Variants in CTNNA3 observed in about 807,000 individuals in gnomAD.
CTNNA3 encodes the protein catenin alpha 3, also known as catenin alpha-3.
CTNNA3 carries 76 observed loss-of-function variants against 95.7 expected under a neutral mutation model. The ratio of observed to expected loss-of-function variants is 0.79; its 90% CI spans 0.66 to 0.96. The LOEUF (loss-of-function observed/expected upper bound fraction) is 0.96. Among genes scored for constraint, CTNNA3 ranks in the 40% least tolerant of loss-of-function variants. The probability of loss-of-function intolerance (pLI) is 0.00; values close to 1 mark genes in which losing one functional copy is unlikely to be tolerated. For missense variants in CTNNA3, 1,191 were observed against 1,089.8 expected (o/e 1.09, Z -1.31); for synonymous variants, 431 against 374.4 (o/e 1.15, Z -1.74).
intron 13 of CTNNA3, among the ~76,000 whole-genome samples, chr10:66,196,454 G>A (rs1340150706): frequency 2.0e-5 from 3 of 152,182 alleles, no homozygotes; most frequent in African/African-American, 7.2e-5. Context: ...AGGACATCAC[G>A]TCTTTAGGGA....
chr10:66,009,705 C>T (rs1455905258), intron 15 of CTNNA3, among the ~76,000 whole-genome samples: 1 of 152,084 alleles, frequency 6.6e-6, no homozygotes, highest in Non-Finnish European at 1.5e-5. Context: ...TTACCCATAC[C>T]TCTTTTGAGA....
chr10:67,326,835 T>A (rs1421758599), intron 5 of CTNNA3, among the ~76,000 whole-genome samples: 1 of 152,214 alleles, frequency 6.6e-6, no homozygotes, highest in African/African-American at 2.4e-5. Flanking sequence ...TGGTTCCATT[T>A]TCCCCATCTC....
At chr10:66,734,116 T>G (rs1392750099) in intron 9 of CTNNA3, among the ~76,000 whole-genome samples, 2 of 151,518 alleles carry the variant, frequency 1.3e-5, no homozygotes, top group Non-Finnish European at 2.9e-5. Flanking sequence ...TCCATGGTAT[T>G]TGTCTCAAAG....
intron 12 of CTNNA3, among the ~76,000 whole-genome samples, chr10:66,289,786 C>A (rs2091648929): frequency 6.6e-6 from 1 of 151,930 alleles, no homozygotes; most frequent in African/African-American, 2.4e-5. Context: ...TATAACCATG[C>A]TAAGCATGTT....
chr10:66,923,064 T>C (rs1846871750), intron 7 of CTNNA3, among the ~76,000 whole-genome samples: 1 of 152,232 alleles, frequency 6.6e-6, no homozygotes, highest in Non-Finnish European at 1.5e-5. Context: ...CTCACTCTAA[T>C]ATTTTATACC....
At chr10:67,676,162 A>C (rs1564823958) in intron 1 of CTNNA3, among the ~76,000 whole-genome samples, 1 of 152,128 alleles carries the variant, frequency 6.6e-6, no homozygotes, top group African/African-American at 2.4e-5. Flanking sequence ...TATTAATGAT[A>C]CAGGCTGGCA....
At chr10:66,192,173 A>C (rs940966505) in intron 13 of CTNNA3, among the ~76,000 whole-genome samples, 3 of 152,172 alleles carry the variant, frequency 2.0e-5, no homozygotes, top group African/African-American at 7.2e-5. Context: ...TAAAAACCCC[A>C]GAGTGGTAAA....
intron 7 of CTNNA3, among the ~76,000 whole-genome samples, chr10:66,931,691 AT>A (rs113875634): frequency 0.027 from 4,108 of 152,282 alleles, 169 homozygotes; most frequent in African/African-American, 0.093. Context: ...TCCTTGGGAA[AT>A]ATAATTATAA....
At chr10:67,052,047 G>T (rs1046389593) in intron 7 of CTNNA3, among the ~76,000 whole-genome samples, 9 of 152,080 alleles carry the variant, frequency 5.9e-5, no homozygotes, top group Non-Finnish European at 1.0e-4. Flanking sequence ...GAGCCACCAC[G>T]CCTGGCCTAA....
At chr10:67,372,905 A>G (rs532074586) in intron 5 of CTNNA3, among the ~76,000 whole-genome samples, 31 of 152,278 alleles carry the variant, frequency 2.0e-4, no homozygotes, top group Middle Eastern at 6.8e-3. Flanking sequence ...GAAATAAAAT[A>G]CTTTATAGAC....
intron 7 of CTNNA3, among the ~76,000 whole-genome samples, chr10:67,031,806 A>G (rs1853746670): frequency 6.6e-6 from 1 of 152,210 alleles, no homozygotes. Context: ...ATGTCACAAG[A>G]TCATAAAATC....
intron 15 of CTNNA3, among the ~76,000 whole-genome samples, chr10:66,002,958 T>C (rs974315152): frequency 1.1e-4 from 17 of 152,194 alleles, no homozygotes; most frequent in African/African-American, 3.6e-4. Context: ...TATTTTATTT[T>C]CATTTCAGCA....
intron 11 of CTNNA3, among the ~76,000 whole-genome samples, chr10:66,516,760 G>C (rs560550717): frequency 2.2e-4 from 34 of 152,282 alleles, no homozygotes; most frequent in African/African-American, 7.5e-4. Flanking sequence ...TGACAAGTAA[G>C]AGAAACTGAT....
chr10:66,122,311 GA>G (rs954456567), intron 13 of CTNNA3, among the ~76,000 whole-genome samples: 2 of 151,832 alleles, frequency 1.3e-5, no homozygotes, highest in Admixed American at 6.6e-5. Context: ...AATGTGAAGA[GA>G]AAAAAAATTA....
chr10:67,044,269 GC>G (rs1854590539), intron 7 of CTNNA3, among the ~76,000 whole-genome samples: 1 of 152,100 alleles, frequency 6.6e-6, no homozygotes, highest in Non-Finnish European at 1.5e-5. Context: ...ATTGATTATA[GC>G]CTAATCCAAA....
At chr10:66,955,774 T>A (rs531649101) in intron 7 of CTNNA3, among the ~76,000 whole-genome samples, 1 of 152,290 alleles carries the variant, frequency 6.6e-6, no homozygotes, top group South Asian at 2.1e-4. Context: ...AGTTTCTTCA[T>A]TGATGGTATA....
At chr10:66,975,424 C>T (rs2132848863) in intron 7 of CTNNA3, among the ~76,000 whole-genome samples, 1 of 152,320 alleles carries the variant, frequency 6.6e-6, no homozygotes, top group East Asian at 1.9e-4. Context: ...TTCAGATTGG[C>T]TTCTGAATCA....
intron 13 of CTNNA3, among the ~76,000 whole-genome samples, chr10:66,201,073 T>A (rs1359541545): frequency 6.6e-6 from 1 of 152,154 alleles, no homozygotes; most frequent in Non-Finnish European, 1.5e-5. Context: ...TTTCTCCATC[T>A]CCAAAATCTA....
At chr10:65,970,498 A>G (rs773601663) in intron 16 of CTNNA3, among the ~76,000 whole-genome samples, 16 of 151,974 alleles carry the variant, frequency 1.1e-4, no homozygotes, top group Non-Finnish European at 1.9e-4. Flanking sequence ...ATAGAATAAC[A>G]ACATCCATTC....
Sources: gnomAD v4.1 joint callset for allele counts (sites outside exome capture counted in the v4.1 genomes callset) on GRCh38, gnomAD v4.1.1 for gene constraint, MANE v1.5 for transcripts, NCBI Gene and HGNC (gene_info 2026-07-23, HGNC 2026-07-21) for gene names.